SNX3: variants seen among roughly 807,000 people sequenced by gnomAD.
SNX3 encodes the protein sorting nexin-3.
A neutral mutation model predicts 17.7 loss-of-function variants in SNX3; 5 were observed. That is an observed-to-expected ratio of 0.28 (90% confidence interval 0.15 to 0.59). The LOEUF (loss-of-function observed/expected upper bound fraction) is 0.59, where lower values mean the gene tolerates loss of function less well. Ranked by LOEUF, SNX3 falls within the 20% of genes least tolerant of loss-of-function variation. The pLI, the probability that SNX3 is intolerant of heterozygous loss-of-function variation, is 0.88. For missense variants in SNX3, 132 were observed against 206.8 expected, an observed-to-expected ratio of 0.64 and a Z score of 2.22; for synonymous variants, 91 against 76.5, an observed-to-expected ratio of 1.19 and a Z score of -0.99.
chr6:108,236,896 A>G (rs1223317204), intron 1 of SNX3, among the ~76,000 whole-genome samples: 9 of 152,190 alleles, frequency 5.9e-5, no homozygotes, highest in Non-Finnish European at 1.2e-4. Flanking sequence ...ATACACACGC[A>G]TATGCTTTAA....
intron 2 of SNX3, among the ~76,000 whole-genome samples, chr6:108,217,167 C>G (rs1452449422): frequency 6.6e-6 from 1 of 151,478 alleles, no homozygotes; most frequent in East Asian, 1.9e-4. Flanking sequence ...AAAAGGATAG[C>G]TCAAGGATGT....
At chr6:108,215,694 A>C (rs985076474) in intron 2 of SNX3, among the ~76,000 whole-genome samples, 1 of 152,152 alleles carries the variant, frequency 6.6e-6, no homozygotes, top group Non-Finnish European at 1.5e-5. Flanking sequence ...CAATCCCTGC[A>C]CTTTGGGAGG....
intron 1 of SNX3, 36 bp from the exon 2 acceptor site, chr6:108,223,081 A>G (rs1774853649): frequency 8.3e-7 from 1 of 1,200,258 alleles, no homozygotes; most frequent in African/African-American, 1.5e-5. Flanking sequence ...ATTGAAGCAC[A>G]TTAAGGAAAC....
intron 1 of SNX3, among the ~76,000 whole-genome samples, chr6:108,224,228 C>T (rs917673272): frequency 6.6e-6 from 1 of 152,158 alleles, no homozygotes; most frequent in African/African-American, 2.4e-5. Context: ...CTTGGCCTCC[C>T]GGGTAGCTGG....
At chr6:108,247,100 C>T (rs989054202) in intron 1 of SNX3, among the ~76,000 whole-genome samples, 4 of 152,098 alleles carry the variant, frequency 2.6e-5, no homozygotes, top group African/African-American at 7.2e-5. Flanking sequence ...TGAGTTCTCA[C>T]GAAAGCTGAC....
At position 108,211,387 on chromosome 6, in the gene SNX3, C is replaced by T. The variant is rs1774401237; in HGVS notation, c.*762G>A. Reference sequence around the variant, plus strand: ...CAATGGATGGAAGTATATTTGATATCACCACTGTTTAAAGGGAATGGAGTT... The same window carrying T: ...CAATGGATGGAAGTATATTTGATATTACCACTGTTTAAAGGGAATGGAGTT... On this transcript the variant is annotated 3_prime_UTR_variant, in exon 4 of 4. Coordinates refer to ENST00000230085, the MANE Select transcript of SNX3 (RefSeq NM_003795.6). The T allele has an allele frequency of 6.6e-6, 1 of 152,096 alleles. No homozygotes were observed. Among genetic ancestry groups the T allele is most frequent in the African/African-American group, 2.4e-5 (1 of 41,406 alleles). 9.4% of individuals were successfully genotyped at this position (152,096 alleles called of 1,614,324 possible). A position where few individuals can be genotyped will look rare whatever the true frequency, so the allele number is the denominator to read the frequency against.
intron 3 of SNX3, among the ~76,000 whole-genome samples, chr6:108,212,648 T>C (rs1348880750): frequency 6.6e-6 from 1 of 152,124 alleles, no homozygotes; most frequent in Non-Finnish European, 1.5e-5. Context: ...CAGAATCATG[T>C]ACAGTTTACC....
At chr6:108,220,415 T>C (rs1774726800) in intron 2 of SNX3, among the ~76,000 whole-genome samples, 1 of 152,134 alleles carries the variant, frequency 6.6e-6, no homozygotes, top group Admixed American at 6.6e-5. Flanking sequence ...ATCTTTTATA[T>C]GTTTAGATGC....
intron 1 of SNX3, among the ~76,000 whole-genome samples, chr6:108,235,853 A>G (rs1775312683): frequency 6.6e-6 from 1 of 152,142 alleles, no homozygotes; most frequent in Admixed American, 6.5e-5. Flanking sequence ...CACGCACTGC[A>G]CTCCAGCCTC....
chr6:108,235,369 C>T (rs1775295846), intron 1 of SNX3, among the ~76,000 whole-genome samples: 2 of 152,114 alleles, frequency 1.3e-5, no homozygotes, highest in Admixed American at 6.6e-5. Context: ...GTCAAGTGGC[C>T]CCACAGATAT....
At chr6:108,234,649 G>A (rs1052200368) in intron 1 of SNX3, among the ~76,000 whole-genome samples, 13 of 152,156 alleles carry the variant, frequency 8.5e-5, no homozygotes, top group Non-Finnish European at 1.8e-4. Flanking sequence ...CATACATATT[G>A]ACTTGTAGAT....
chr6:108,222,041 G>C (rs1774794802), intron 2 of SNX3, among the ~76,000 whole-genome samples: 2 of 152,064 alleles, frequency 1.3e-5, no homozygotes, highest in Non-Finnish European at 2.9e-5. Flanking sequence ...ATAGGCATGA[G>C]CCACCATGCC....
intron 2 of SNX3, among the ~76,000 whole-genome samples, chr6:108,220,653 A>T (rs1774734520): frequency 6.6e-6 from 1 of 152,178 alleles, no homozygotes; most frequent in Non-Finnish European, 1.5e-5. Context: ...CCATATGACT[A>T]CACCACATTG....
chr6:108,215,607 T>C (rs1335843156), intron 2 of SNX3, among the ~76,000 whole-genome samples: 1 of 152,108 alleles, frequency 6.6e-6, no homozygotes, highest in Admixed American at 6.5e-5. Context: ...AAGGGTCAAC[T>C]CCTGCTGATC....
chr6:108,257,879 G>A (rs574106148), intron 1 of SNX3, among the ~76,000 whole-genome samples: 78 of 151,544 alleles, frequency 5.1e-4, no homozygotes, highest in African/African-American at 1.8e-3. Flanking sequence ...CAGGAGAATC[G>A]CTTGAACTCG....
intron 2 of SNX3, among the ~76,000 whole-genome samples, chr6:108,221,531 A>AATTT (rs1562421607): frequency 1.3e-5 from 1 of 78,446 alleles, no homozygotes; most frequent in Admixed American, 1.5e-4. Flanking sequence ...ACAGTATTAC[A>AATTT]CTTTTTTTTT....
intron 1 of SNX3, among the ~76,000 whole-genome samples, chr6:108,242,761 G>A (rs1216717932): frequency 6.6e-6 from 1 of 152,224 alleles, no homozygotes; most frequent in Non-Finnish European, 1.5e-5. Context: ...AGTTTTGTGA[G>A]TAGTCTTGAC....
At chr6:108,232,162 A>G (rs1775181622) in intron 1 of SNX3, among the ~76,000 whole-genome samples, 2 of 152,196 alleles carry the variant, frequency 1.3e-5, no homozygotes, top group Admixed American at 6.5e-5. Flanking sequence ...GTTGTTGTCT[A>G]TTTGTTCTAA....
intron 1 of SNX3, among the ~76,000 whole-genome samples, chr6:108,248,161 A>C (rs1469618206): frequency 6.6e-6 from 1 of 152,138 alleles, no homozygotes; most frequent in East Asian, 1.9e-4. Flanking sequence ...CTTTCTGCCC[A>C]CACACACTCC....
Sources: allele counts gnomAD v4.1 joint callset (sites outside exome capture counted in the v4.1 genomes callset), GRCh38; gene constraint gnomAD v4.1.1; transcripts MANE v1.5; gene names NCBI Gene and HGNC (gene_info 2026-07-23, HGNC 2026-07-21).